The following SPIRE1 variants were observed in gnomAD, a reference collection of about 807,000 sequenced individuals.
SPIRE1 encodes the protein protein spire homolog 1.
A neutral mutation model predicts 94.1 loss-of-function variants in SPIRE1; 40 were observed. The observed-to-expected ratio is 0.43, with a 90% confidence interval of 0.33 to 0.55. SPIRE1 has a LOEUF of 0.55. Ranked by LOEUF, SPIRE1 falls within the 20% of genes least tolerant of loss-of-function variation. The pLI is 0.06. For missense variants in SPIRE1, 838 were observed against 975.2 expected (o/e 0.86, Z 1.87); for synonymous variants, 376 against 371.7 (o/e 1.01, Z -0.13).
At chr18:12,480,634 T>C (rs1290657676) in intron 9 of SPIRE1, among the ~76,000 whole-genome samples, 1 of 152,192 alleles carries the variant, frequency 6.6e-6, no homozygotes, top group African/African-American at 2.4e-5. Flanking sequence ...TTGATCTCTA[T>C]TGGTGAATAA....
intron 2 of SPIRE1, among the ~76,000 whole-genome samples, chr18:12,587,621 A>T (rs189020180): frequency 1.3e-5 from 2 of 152,232 alleles, no homozygotes; most frequent in African/African-American, 2.4e-5. Context: ...GAAACCATAG[A>T]GGGAGGATCT....
At chr18:12,526,672 T>C (rs1433658833) in intron 4 of SPIRE1, among the ~76,000 whole-genome samples, 3 of 152,108 alleles carry the variant, frequency 2.0e-5, no homozygotes, top group Non-Finnish European at 2.9e-5. Flanking sequence ...GTATTAATCA[T>C]AGTAGCACCC....
chr18:12,566,357 G>A (rs538710101), intron 2 of SPIRE1, among the ~76,000 whole-genome samples: 112 of 152,174 alleles, frequency 7.4e-4, no homozygotes, highest in Non-Finnish European at 1.3e-3. Context: ...AAATTAAAAA[G>A]AAGTTATTTA....
At chr18:12,626,051 C>CCAA in intron 2 of SPIRE1, among the ~76,000 whole-genome samples, 1 of 134,732 alleles carries the variant, frequency 7.4e-6, no homozygotes, top group African/African-American at 2.7e-5. Flanking sequence ...CGCCCCCCCC[C>CCAA]AAAAAAAGGA....
At chr18:12,601,124 A>C (rs543028390) in intron 2 of SPIRE1, among the ~76,000 whole-genome samples, 2 of 152,210 alleles carry the variant, frequency 1.3e-5, no homozygotes, top group Admixed American at 6.5e-5. Flanking sequence ...CATAACTTTT[A>C]AAAACTGCTT....
intron 4 of SPIRE1, 29 bp from the exon 5 acceptor site, chr18:12,512,560 C>A (rs550613): frequency 0.82 from 1,154,448 of 1,415,808 alleles, 472,105 homozygotes; most frequent in African/African-American, 0.89. Context: ...CAGGCATAAA[C>A]ATTTCATTAA....
At chr18:12,661,256 C>T (rs907405602), upstream of SPIRE1, 13 of 419,934 alleles carry the variant, frequency 3.1e-5, no homozygotes, top group East Asian at 3.2e-4. Flanking sequence ...TGCAGTGAGC[C>T]GAGATCACGC....
At chr18:12,601,189 G>C (rs952891627) in intron 2 of SPIRE1, among the ~76,000 whole-genome samples, 1 of 151,822 alleles carries the variant, frequency 6.6e-6, no homozygotes, top group Non-Finnish European at 1.5e-5. Flanking sequence ...GGGAGGCCGC[G>C]GCAGGCAGAT....
At chr18:12,487,928 A>G (rs1258925166) in intron 8 of SPIRE1, among the ~76,000 whole-genome samples, 1 of 152,180 alleles carries the variant, frequency 6.6e-6, no homozygotes, top group Admixed American at 6.5e-5. Context: ...TCTTACCAGT[A>G]CCTTTGCATC....
chr18:12,501,091 A>G (rs963054467), intron 6 of SPIRE1, among the ~76,000 whole-genome samples: 255 of 148,022 alleles, frequency 1.7e-3, no homozygotes, highest in Non-Finnish European at 3.1e-3. Flanking sequence ...AAAAAAAAAA[A>G]AAAAGAAAAA....
upstream of SPIRE1, among the ~76,000 whole-genome samples, chr18:12,659,543 G>C (rs2011579): frequency 0.23 from 34,933 of 151,988 alleles, 4,869 homozygotes; most frequent in Non-Finnish European, 0.32. Flanking sequence ...GGTGACGCAC[G>C]CTTGTAATCC....
intron 2 of SPIRE1, among the ~76,000 whole-genome samples, chr18:12,567,822 G>A (rs537764271): frequency 6.6e-6 from 1 of 152,238 alleles, no homozygotes; most frequent in South Asian, 2.1e-4. Context: ...TTTGAGTTTT[G>A]TTTACCTAAC....
rs562256237 is a variant in SPIRE1 at position 12,537,145 on chromosome 18, C to T, written c.604-1544G>A. Among the ~76,000 whole-genome samples, 29 of 152,304 alleles carry T rather than the reference C, an allele frequency of 1.9e-4. 1 individual carries two copies. The highest frequency in any genetic ancestry group is 6.3e-4 in the African/African-American group (26 of 41,564). ...CAGTAGCAAAAAAAGCTAAAAGCTG[C>T]TTTATCCAGAAGCATTAAAAGCAGA... On this transcript the variant is annotated intron_variant, in intron 3 of 16. Coordinates refer to ENST00000409402, the MANE Select transcript of SPIRE1 (RefSeq NM_001128626.2).
rs2030998099 is a variant in SPIRE1, at chr18:12,447,515, T to C, written c.*2123A>G. On this transcript the variant is annotated 3_prime_UTR_variant, in exon 17 of 17. Coordinates refer to ENST00000409402, the MANE Select transcript of SPIRE1 (RefSeq NM_001128626.2). ...GATTTCTACAACTTTAACTGTGCCA[T>C]GTGCCCTTTCTTACCCCACTTTCTG... The C allele has an allele frequency of 6.6e-6, 1 of 152,242 alleles. No individual in the cohort carries two copies. The highest frequency in any genetic ancestry group is 6.5e-5 in the Admixed American group (1 of 15,288). 9.4% of individuals were successfully genotyped at this position (152,242 alleles called of 1,614,324 possible).
intron 2 of SPIRE1, among the ~76,000 whole-genome samples, chr18:12,595,520 C>A (rs1368218843): frequency 6.6e-6 from 1 of 152,154 alleles, no homozygotes; most frequent in African/African-American, 2.4e-5. Flanking sequence ...CAGAACTTTT[C>A]ATAGGACCAA....
intron 2 of SPIRE1, among the ~76,000 whole-genome samples, chr18:12,627,201 A>G (rs1276826331): frequency 2.0e-5 from 3 of 151,762 alleles, no homozygotes; most frequent in South Asian, 4.2e-4. Context: ...TCCTAATGCT[A>G]TCCCTCCTCC....
chr18:12,593,658 G>A (rs2036592024), intron 2 of SPIRE1, among the ~76,000 whole-genome samples: 1 of 152,144 alleles, frequency 6.6e-6, no homozygotes, highest in Admixed American at 6.5e-5. Context: ...ACTTAAGAAA[G>A]CATGCAATTG....
upstream of SPIRE1, chr18:12,658,596 G>A (rs146335075): frequency 2.3e-3 from 1,088 of 470,946 alleles, 4 homozygotes; most frequent in Non-Finnish European, 3.9e-3. Context: ...CGAAGGTCTG[G>A]TTGAAAACTT....
At chr18:12,494,245 A>T (rs924639401) in intron 7 of SPIRE1, among the ~76,000 whole-genome samples, 14 of 152,186 alleles carry the variant, frequency 9.2e-5, no homozygotes, top group Non-Finnish European at 2.1e-4. Context: ...TTTTAAAACT[A>T]ACATTTTTTA....
Sources: allele counts gnomAD v4.1 joint callset (sites outside exome capture counted in the v4.1 genomes callset), GRCh38; gene constraint gnomAD v4.1.1; transcripts MANE v1.5; gene names NCBI Gene and HGNC (gene_info 2026-07-23, HGNC 2026-07-21).